The following TTC23 variants were observed in gnomAD, a reference collection of about 807,000 sequenced individuals.
TTC23 encodes tetratricopeptide repeat domain 23.
Under a neutral mutation model 55.1 loss-of-function variants are expected in TTC23, and 58 were observed. The observed-to-expected ratio is 1.05, with a 90% CI of 0.85 to 1.31. The LOEUF (loss-of-function observed/expected upper bound fraction) is 1.31, where lower values mean the gene tolerates loss of function less well. TTC23 is among the 50% of genes most tolerant of loss of function. The pLI, the probability that TTC23 is intolerant of heterozygous loss-of-function variation, is 0.00. For missense variants in TTC23, 516 were observed against 534.4 expected (o/e 0.97, Z 0.34); for synonymous variants, 203 against 199.9 (o/e 1.02, Z -0.13).
intron 10 of TTC23, among the ~76,000 whole-genome samples, chr15:99,174,685 C>A (rs1488022455): frequency 2.0e-5 from 3 of 152,200 alleles, no homozygotes; most frequent in Non-Finnish European, 4.4e-5. Flanking sequence ...TGCCTGGAGG[C>A]CGGCTGGCCC....
At chr15:99,178,477 T>A (rs1209466714) in intron 9 of TTC23, among the ~76,000 whole-genome samples, 1 of 152,228 alleles carries the variant, frequency 6.6e-6, no homozygotes, top group Non-Finnish European at 1.5e-5. Context: ...TTTAATTTAA[T>A]TCAGTCCTAT....
chr15:99,188,693 TA>T (rs2074960438), intron 9 of TTC23, among the ~76,000 whole-genome samples: 1 of 152,106 alleles, frequency 6.6e-6, no homozygotes, highest in Admixed American at 6.5e-5. Context: ...GAAAGTCACT[TA>T]AACATATGAA....
intron 12 of TTC23, among the ~76,000 whole-genome samples, chr15:99,152,455 C>T (rs1452431964): frequency 1.3e-5 from 2 of 152,096 alleles, no homozygotes; most frequent in Non-Finnish European, 2.9e-5. Flanking sequence ...CGGCTCACTG[C>T]AACCTCTGCC....
At position 99,160,185 on chromosome 15, in the gene TTC23, G is replaced by A. The variant is rs757140231; in HGVS notation, c.993+1555C>T. On this transcript the variant is annotated intron_variant, in intron 11 of 13. Coordinates refer to ENST00000394132, the MANE Select transcript of TTC23 (RefSeq NM_001288615.3). ...TTGGCCTGAGAAACATAGGTATATC[G>A]GCATAAAAGCCCGTGTTCCCTAGCT... 8.6e-5 allele frequency: 13 copies of A among 151,796 alleles called. 1 individual carries two copies. Among genetic ancestry groups the A allele is most frequent in the Non-Finnish European group, 1.9e-4 (13 of 67,996 alleles). The allele number at this position is 151,796 out of a possible 1,614,324, so 9.4% of individuals were successfully genotyped here.
At chr15:99,188,671 C>T (rs2074957585) in intron 9 of TTC23, among the ~76,000 whole-genome samples, 1 of 151,910 alleles carries the variant, frequency 6.6e-6, no homozygotes, top group Admixed American at 6.6e-5. Flanking sequence ...AGACAATTGA[C>T]AAAAAATATA....
At chr15:99,146,031 C>T (rs1411618496) in intron 12 of TTC23, among the ~76,000 whole-genome samples, 9 of 152,196 alleles carry the variant, frequency 5.9e-5, no homozygotes, top group Admixed American at 5.9e-4. Context: ...GTTGCCAAGT[C>T]CCATGGGTTC....
At chr15:99,174,921 A>G (rs1003495947) in intron 10 of TTC23, 129 bp downstream of exon 10, 6 of 676,254 alleles carry the variant, frequency 8.9e-6, no homozygotes, top group Non-Finnish European at 1.5e-5. Context: ...GCAGATGATC[A>G]GATAAAACAA....
At position 99,147,164 on chromosome 15, in the gene TTC23, G is replaced by A. The variant is rs557014310; in HGVS notation, c.1144-7765C>T. Among the ~76,000 whole-genome samples the A allele has an allele frequency of 3.1e-4, 46 of 150,018 alleles. 1 individual carries two copies. The highest frequency in any genetic ancestry group is 2.3e-3 in the East Asian group (12 of 5,118). On this transcript the variant is annotated intron_variant, in intron 12 of 13. Transcript: ENST00000394132. ...TCTTGACAGGTGGTCCACCCACCTC[G>A]GCCTCTCAAAGTGTTGGGATTATAG...
intron 8 of TTC23, among the ~76,000 whole-genome samples, 177 bp downstream of exon 8, chr15:99,218,411 G>GGAT (rs2077641812): frequency 6.6e-6 from 1 of 152,158 alleles, no homozygotes; most frequent in Non-Finnish European, 1.5e-5. Context: ...TGTCACTGAT[G>GGAT]GATGCCCTGG....
At chr15:99,228,091 T>C (rs989319977) in intron 5 of TTC23, among the ~76,000 whole-genome samples, 5 of 152,130 alleles carry the variant, frequency 3.3e-5, no homozygotes, top group African/African-American at 4.8e-5. Flanking sequence ...AGTCATACAA[T>C]AGATATTTAT....
Position 99,200,181 on chromosome 15 carries a change from C to G in TTC23, c.582-85G>C. The G allele has an allele frequency of 3.3e-6, 4 of 1,226,590 alleles. No individual in the cohort carries two copies. In the South Asian group the frequency reaches 7.6e-5, roughly 23 times the overall value. The allele number at this position is 1,226,590 out of a possible 1,614,324, so 76.0% of individuals were successfully genotyped here. ...AGGTGAGCTGGTAGTTGGGATGTGA[C>G]TCTTTGATCCCTGGTGTTCAGGTTC... On this transcript the variant is annotated intron_variant, in intron 8 of 13. Transcript: ENST00000394132.
chr15:99,200,180 A>C, intron 8 of TTC23, 84 bp from the exon 9 acceptor site: 1 of 1,245,630 alleles, frequency 8.0e-7, no homozygotes, highest in East Asian at 2.7e-5. Context: ...TTGGGATGTG[A>C]CTCTTTGATC....
intron 8 of TTC23, among the ~76,000 whole-genome samples, chr15:99,216,683 G>A (rs1299627981): frequency 4.6e-5 from 7 of 152,182 alleles, no homozygotes; most frequent in Admixed American, 1.3e-4. Flanking sequence ...TAGATAGCAC[G>A]TTATATGCAC....
intron 10 of TTC23, among the ~76,000 whole-genome samples, chr15:99,171,563 T>C (rs1596385045): frequency 7.0e-6 from 1 of 142,094 alleles, no homozygotes; most frequent in South Asian, 2.4e-4. Flanking sequence ...CTCCGTCTTT[T>C]TTTTTTTTTT....
chr15:99,208,092 G>A (rs2076764840), intron 8 of TTC23, among the ~76,000 whole-genome samples: 1 of 152,094 alleles, frequency 6.6e-6, no homozygotes, highest in Non-Finnish European at 1.5e-5. Context: ...AATTAAATTA[G>A]AGGAAAGTCA....
At chr15:99,243,571 A>T (rs1484176525) in intron 2 of TTC23, among the ~76,000 whole-genome samples, 1 of 152,242 alleles carries the variant, frequency 6.6e-6, no homozygotes, top group Non-Finnish European at 1.5e-5. Flanking sequence ...CACAACAGCC[A>T]AGATTTGGAA....
At chr15:99,166,360 T>C (rs2072087569) in intron 10 of TTC23, among the ~76,000 whole-genome samples, 1 of 152,192 alleles carries the variant, frequency 6.6e-6, no homozygotes, top group Admixed American at 6.5e-5. Context: ...TTTCCCTCAG[T>C]GCAGCTCAGC....
At chr15:99,219,328 A>G (rs2077725412) in intron 6 of TTC23, among the ~76,000 whole-genome samples, 1 of 152,246 alleles carries the variant, frequency 6.6e-6, no homozygotes, top group Non-Finnish European at 1.5e-5. Context: ...TAGCAGAAGC[A>G]AAATATGTTA....
chr15:99,235,457 G>A (rs986616622), intron 3 of TTC23, among the ~76,000 whole-genome samples: 1 of 149,842 alleles, frequency 6.7e-6, no homozygotes, highest in Admixed American at 6.7e-5. Context: ...TGCAATCTCT[G>A]CCTCCTGGGT....
Sources: allele counts gnomAD v4.1 joint callset (sites outside exome capture counted in the v4.1 genomes callset), GRCh38; gene constraint gnomAD v4.1.1; transcripts MANE v1.5; gene names NCBI Gene and HGNC (gene_info 2026-07-23, HGNC 2026-07-21).